The following AFDN variants were observed in gnomAD, a reference collection of about 807,000 sequenced individuals.
AFDN encodes afadin, adherens junction formation factor, also known as afadin.
AFDN carries 68 observed loss-of-function variants against 216.6 expected under a neutral mutation model. The ratio of observed to expected loss-of-function variants is 0.31; its 90% confidence interval spans 0.26 to 0.38. The LOEUF is 0.38. Among genes scored for constraint, AFDN ranks in the 10% least tolerant of loss-of-function variants. The pLI, the probability that AFDN is intolerant of heterozygous loss-of-function variation, is 1.00. For missense variants in AFDN, 2,136 were observed against 2,342.0 expected, an observed-to-expected ratio of 0.91 and a Z score of 1.82; for synonymous variants, 868 against 853.7, an observed-to-expected ratio of 1.02 and a Z score of -0.29.
intron 6 of AFDN, among the ~76,000 whole-genome samples, chr6:167,884,455 TC>T (rs1786526139): frequency 1.3e-5 from 2 of 152,204 alleles, no homozygotes; most frequent in Non-Finnish European, 2.9e-5. Context: ...AAAGTCAAAA[TC>T]ACTCCTTGTT....
intron 30 of AFDN, among the ~76,000 whole-genome samples, chr6:167,955,950 A>G (rs1796458605): frequency 6.6e-6 from 1 of 151,826 alleles, no homozygotes; most frequent in Non-Finnish European, 1.5e-5. Flanking sequence ...CCTCGTCTCT[A>G]CTAAAAATAC....
intron 11 of AFDN, among the ~76,000 whole-genome samples, chr6:167,898,713 T>C (rs1788581635): frequency 6.6e-6 from 1 of 152,248 alleles, no homozygotes. Context: ...CTTTGTTTTT[T>C]AGCCAGTATA....
chr6:167,907,212 T>A lies in AFDN; in HGVS notation c.1692T>A (p.Ser564=). ...RLDSDRVSSA[S]STAERGMVKP... is the part of the protein sequence containing the mutation. Reference sequence around the variant, plus strand: ...ACAGCGACAGAGTGTCGTCTGCCTCTAGCACAGCCGAGCGGGGAATGGTGA... The same window carrying A: ...ACAGCGACAGAGTGTCGTCTGCCTCAAGCACAGCCGAGCGGGGAATGGTGA... The change falls in exon 13 of 34, where the codon TCT becomes TCA. Residue 564 remains serine (S), a synonymous_variant. Coordinates refer to ENST00000683244, the MANE Select transcript of AFDN (RefSeq NM_001386888.1). 1 of 1,614,184 alleles carries A rather than the reference T, an allele frequency of 6.2e-7. No homozygotes were observed. Among genetic ancestry groups the A allele is most frequent in the Non-Finnish European group, 8.5e-7 (1 of 1,180,020 alleles).
chr6:167,959,765 A>G (rs893078580), intron 30 of AFDN, among the ~76,000 whole-genome samples: 2 of 152,242 alleles, frequency 1.3e-5, no homozygotes, highest in African/African-American at 4.8e-5. Context: ...TGGACTACCC[A>G]TATAGCAGAA....
chr6:167,853,009 C>T (rs1782488228), intron 1 of AFDN, among the ~76,000 whole-genome samples: 1 of 152,044 alleles, frequency 6.6e-6, no homozygotes, highest in African/African-American at 2.4e-5. Context: ...GCCATTTCTC[C>T]AAGTAGCTGT....
chr6:167,886,867 T>G (rs1208418090), intron 6 of AFDN, among the ~76,000 whole-genome samples: 2 of 151,716 alleles, frequency 1.3e-5, no homozygotes, highest in Non-Finnish European at 2.9e-5. Flanking sequence ...ATACAAAAAT[T>G]AATTGGGCAT....
intron 15 of AFDN, 86 bp downstream of exon 15, chr6:167,911,575 C>A: frequency 8.5e-7 from 1 of 1,180,744 alleles, no homozygotes; most frequent in South Asian, 1.3e-5. Flanking sequence ...TAAGGCTTCT[C>A]ATTTGGTTAC....
chr6:167,828,841 G>T (rs183399736), intron 1 of AFDN, among the ~76,000 whole-genome samples: 41 of 148,366 alleles, frequency 2.8e-4, no homozygotes, highest in African/African-American at 9.7e-4. Context: ...TTAATAAAGA[G>T]AATTCAGCTT....
intron 6 of AFDN, among the ~76,000 whole-genome samples, chr6:167,885,215 G>A (rs1297002297): frequency 1.3e-5 from 2 of 152,174 alleles, no homozygotes; most frequent in African/African-American, 4.8e-5. Flanking sequence ...CTCCATATGA[G>A]CAATAAGGCT....
Position 167,970,439 on chromosome 6 carries a change from C to T in AFDN, c.*504C>T, listed in dbSNP as rs1037407837. On this transcript the variant is annotated 3_prime_UTR_variant, in exon 34 of 34. Coordinates refer to ENST00000683244, the MANE Select transcript of AFDN (RefSeq NM_001386888.1). ...CTTCTACCCGGGAAGGAACATATGA[C>T]GACATGCTCCTCCCATGTCCCCTGA... 14 of 220,020 alleles carry T rather than the reference C, an allele frequency of 6.4e-5. No individual in the cohort carries two copies. The highest frequency in any genetic ancestry group is 1.3e-4 in the African/African-American group (6 of 44,608). 13.6% of individuals were successfully genotyped at this position (220,020 alleles called of 1,614,324 possible).
intron 11 of AFDN, among the ~76,000 whole-genome samples, chr6:167,899,427 TTAAAC>T (rs895928823): frequency 6.6e-6 from 1 of 152,162 alleles, no homozygotes; most frequent in African/African-American, 2.4e-5. Flanking sequence ...ACTTTCATCT[TTAAAC>T]TAGTGTATTT....
At chr6:167,928,087 TAAA>T (rs1792801383) in intron 23 of AFDN, among the ~76,000 whole-genome samples, 1 of 152,234 alleles carries the variant, frequency 6.6e-6, no homozygotes, top group East Asian at 1.9e-4. Context: ...CTCTTCCAGT[TAAA>T]AGAAGTATCT....
chr6:167,908,901 C>G (rs1212439370), intron 13 of AFDN, among the ~76,000 whole-genome samples: 1 of 152,036 alleles, frequency 6.6e-6, no homozygotes, highest in African/African-American at 2.4e-5. Flanking sequence ...CTGATGCAGT[C>G]ATGAAAAATT....
Position 167,870,491 on chromosome 6 carries a change from C to T in AFDN, c.407C>T (p.Pro136Leu), listed in dbSNP as rs1180121039. 6.2e-7 allele frequency: 1 copy of T among 1,603,150 alleles called. No homozygotes were observed. Among genetic ancestry groups the T allele is most frequent in the South Asian group, 1.1e-5 (1 of 89,624 alleles). The change falls in exon 3 of 34, where the codon CCT (proline) becomes CTT (leucine). Residue 136 changes from proline (P) to leucine (L), a missense_variant. Pro to Leu is a moderately conservative substitution (Grantham distance 98). Transcript: ENST00000683244. ...FVLKNENDAI[P>L]PKKAQSNGPE... ...CTTAAGAATGAGAATGACGCCATTC[C>T]TCCTAAGGTAGGAACCCTCAGTATT...
chr6:167,922,762 T>C, intron 21 of AFDN, 94 bp from the exon 22 acceptor site: 1 of 758,590 alleles, frequency 1.3e-6, no homozygotes. Context: ...ATCAATACCG[T>C]GTGTTGGATA....
chr6:167,962,469 G>A lies in AFDN; in HGVS notation c.4870G>A (p.Glu1624Lys). The part of the protein sequence containing the change: ...DEERRRQQQL[E>K]EMRKREAEDR... ...GGAGCGGAGGCGGCAGCAGCAGTTA[G>A]AAGAGATGCGCAAGCGGGAAGCGGA... is the stretch of plus-strand genomic sequence containing the variant. Residue 1624 changes from glutamate to lysine, a missense_variant, in exon 31 of 34, where the codon GAA becomes AAA. By Grantham distance (56) the Glu-to-Lys change is moderately conservative. Around this residue, in one of 8 missense-constraint regions of AFDN, gnomAD observed 981 missense variants for 966.0 expected, o/e 1.02. Coordinates refer to ENST00000683244, the MANE Select transcript of AFDN (RefSeq NM_001386888.1). This position sits in a 1 kb window ranked among gnomAD's most constrained non-coding sequence, Gnocchi z 5.2. The A allele has an allele frequency of 6.2e-7, 1 of 1,613,808 alleles. No individual in the cohort carries two copies. Among genetic ancestry groups the A allele is most frequent in the Non-Finnish European group, 8.5e-7 (1 of 1,179,758 alleles).
rs1242086604 is a variant in AFDN at position 167,962,789 on chromosome 6, T to C, written c.4968+222T>C. On this transcript the variant is annotated intron_variant, in intron 31 of 33. Transcript: ENST00000683244. The surrounding 1 kb of genome is among the most constrained non-coding windows in gnomAD (Gnocchi z 5.2). ...AGATCCCCTTATCTGCCAAGTTTTG[T>C]CTCCTTCAAACTTCTGAACTCTTGG... 4 of 1,383,388 alleles carry C rather than the reference T, an allele frequency of 2.9e-6. No individual in the cohort carries two copies. Among genetic ancestry groups the C allele is most frequent in the Non-Finnish European group, 3.7e-6 (4 of 1,068,918 alleles). 85.7% of individuals were successfully genotyped at this position (1,383,388 alleles called of 1,614,324 possible).
intron 18 of AFDN, 43 bp from the exon 19 acceptor site, chr6:167,915,125 G>C (rs778747457): frequency 6.2e-7 from 1 of 1,601,470 alleles, no homozygotes; most frequent in Non-Finnish European, 8.5e-7. Flanking sequence ...CTTCTTCCTG[G>C]ATGACATTTT....
intron 17 of AFDN, 129 bp downstream of exon 17, chr6:167,914,442 A>G (rs1386624535): frequency 4.9e-6 from 6 of 1,226,730 alleles, no homozygotes; most frequent in African/African-American, 4.6e-5. Context: ...AGAAGCATAC[A>G]TTTTTGCAAA....
Sources: allele counts gnomAD v4.1 joint callset (sites outside exome capture counted in the v4.1 genomes callset), GRCh38; gene constraint gnomAD v4.1.1; regional missense constraint gnomAD v4.1.1; non-coding constraint Gnocchi (gnomAD v3.1); transcripts MANE v1.5; gene names NCBI Gene and HGNC (gene_info 2026-07-23, HGNC 2026-07-21).